The following SPATA18 variants were observed in gnomAD, a reference collection of about 807,000 sequenced individuals.
SPATA18 encodes the protein mitochondria-eating protein.
SPATA18 carries 54 observed loss-of-function variants against 68.1 expected under a neutral mutation model. The observed-to-expected ratio is 0.79, with a 90% CI of 0.64 to 0.99. The LOEUF (loss-of-function observed/expected upper bound fraction) is 0.99, where lower values mean the gene tolerates loss of function less well. SPATA18 is among the 50% of genes least tolerant of loss of function. The pLI, the probability that SPATA18 is intolerant of heterozygous loss-of-function variation, is 0.00. For missense variants in SPATA18, 724 were observed against 681.1 expected (o/e 1.06, Z -0.70); for synonymous variants, 242 against 244.8 (o/e 0.99, Z 0.11).
chr4:52,079,805 G>GC lies in SPATA18; in HGVS notation c.1243dup (p.Leu415ProfsTer4), dbSNP rs755567059. On this transcript the variant is annotated frameshift_variant, in exon 9 of 13. Coordinates refer to ENST00000295213, the MANE Select transcript of SPATA18 (RefSeq NM_145263.4). LOFTEE classifies it high-confidence loss of function. ...TCATTCCCTCCTGTCGTTGACTTTT[G>GC]CCTTCTCAGTGACTTCATCCAGGAG... 6.2e-7 allele frequency: 1 copy of GC among 1,611,640 alleles called. No individual in the cohort carries two copies. Among genetic ancestry groups the GC allele is most frequent in the East Asian group, 2.2e-5 (1 of 44,680 alleles).
intron 1 of SPATA18, among the ~76,000 whole-genome samples, chr4:52,053,290 G>A (rs2109397222): frequency 6.6e-6 from 1 of 152,174 alleles, no homozygotes; most frequent in Middle Eastern, 3.4e-3. Flanking sequence ...CCCATTCTCT[G>A]CTCTCATTAA....
At chr4:52,052,632 T>C (rs1055905652) in intron 1 of SPATA18, among the ~76,000 whole-genome samples, 1 of 152,254 alleles carries the variant, frequency 6.6e-6, no homozygotes, top group Non-Finnish European at 1.5e-5. Flanking sequence ...TTTCTACATT[T>C]GGCTCTGCAT....
chr4:52,054,431 A>G (rs573368283), intron 1 of SPATA18, among the ~76,000 whole-genome samples: 46 of 152,326 alleles, frequency 3.0e-4, no homozygotes, highest in African/African-American at 1.1e-3. Context: ...AGAGGCAGGC[A>G]CTTGGAGGTA....
At chr4:52,053,965 C>T (rs1318239851) in intron 1 of SPATA18, among the ~76,000 whole-genome samples, 1 of 152,220 alleles carries the variant, frequency 6.6e-6, no homozygotes, top group African/African-American at 2.4e-5. Flanking sequence ...CACAATTGTG[C>T]CCCTTTAAGC....
Position 52,060,829 on chromosome 4 carries a change from T to C in SPATA18, c.241T>C (p.Trp81Arg). The C allele has an allele frequency of 6.2e-7, 1 of 1,614,094 alleles. No individual in the cohort carries two copies. Among genetic ancestry groups the C allele is most frequent in the African/African-American group, 1.3e-5 (1 of 75,038 alleles). Residue 81 changes from tryptophan (W) to arginine (R), a missense_variant, in exon 3 of 13, where the codon TGG becomes CGG. Coordinates refer to ENST00000295213, the MANE Select transcript of SPATA18 (RefSeq NM_145263.4). ...AACAATCAAGTCACGCCTTTTGCCT[T>C]GGCTGGAGGCTTCCTTTACTGCTGC... ...VETIKSRLLP[W>R]LEASFTAASL...
Position 52,071,978 on chromosome 4 carries a change from G to T in SPATA18, c.580G>T (p.Glu194Ter), listed in dbSNP as rs1301172206. The change falls in exon 6 of 13, where the codon GAG becomes TAG. Residue 194 changes from glutamate (E) to a stop codon, truncating the protein, a stop_gained. Coordinates refer to ENST00000295213, the MANE Select transcript of SPATA18 (RefSeq NM_145263.4). LOFTEE classifies it high-confidence loss of function. The stretch of plus-strand genomic sequence containing the variant: ...CAGAAACACAGATCAGAGGAGCTCA[G>T]AGAATAGGCGGTCAGAGCCTTGGAG... The part of the protein sequence containing the change: ...RHRNTDQRSS[E>*]NRRSEPWSLE... The T allele has an allele frequency of 1.2e-6, 2 of 1,613,870 alleles. No homozygotes were observed. Among genetic ancestry groups the T allele is most frequent in the Non-Finnish European group, 1.7e-6 (2 of 1,180,016 alleles).
intron 6 of SPATA18, among the ~76,000 whole-genome samples, chr4:52,073,848 C>T (rs191656853): frequency 1.1e-4 from 16 of 152,278 alleles, no homozygotes; most frequent in African/African-American, 3.9e-4. Context: ...TCCACTTTTC[C>T]AGACACATTA....
At position 52,079,896 on chromosome 4, in the gene SPATA18, T is replaced by C; in HGVS notation, c.1332T>C (p.Asp444=). The C allele has an allele frequency of 6.2e-7, 1 of 1,613,034 alleles. No individual in the cohort carries two copies. The highest frequency in any genetic ancestry group is 8.5e-7 in the Non-Finnish European group (1 of 1,179,606). ...EPPLDIAYGA[D]GEVFNDCKYR... is the part of the protein sequence containing the mutation. ...CCCTAGATATTGCATATGGAGCAGATGGAGAAGTTTTTAATGATTGCAAGT... is the reference window on the plus strand; with the variant it reads ...CCCTAGATATTGCATATGGAGCAGACGGAGAAGTTTTTAATGATTGCAAGT... The change falls in exon 9 of 13, where the codon GAT becomes GAC. Residue 444 remains aspartate (D), a synonymous_variant. Coordinates refer to ENST00000295213, the MANE Select transcript of SPATA18 (RefSeq NM_145263.4).
At chr4:52,072,264 C>A (rs560665470) in intron 6 of SPATA18, 108 bp downstream of exon 6, 2 of 1,484,856 alleles carry the variant, frequency 1.3e-6, no homozygotes, top group South Asian at 2.8e-5. Context: ...GAACCAAAAC[C>A]TCAGCAATCT....
chr4:52,056,878 T>G (rs1214403963), intron 1 of SPATA18, among the ~76,000 whole-genome samples: 4 of 152,180 alleles, frequency 2.6e-5, no homozygotes, highest in Non-Finnish European at 1.5e-5. Flanking sequence ...TGTTGCATCC[T>G]TAAACATTTT....
intron 1 of SPATA18, among the ~76,000 whole-genome samples, chr4:52,057,692 G>A (rs1560581030): frequency 1.3e-5 from 2 of 152,206 alleles, no homozygotes; most frequent in Non-Finnish European, 2.9e-5. Context: ...TCTTTTCTAA[G>A]GGAATGCAGC....
chr4:52,078,558 G>T, intron 7 of SPATA18, 177 bp from the exon 8 acceptor site: 1 of 512,112 alleles, frequency 2.0e-6, no homozygotes, highest in Admixed American at 3.4e-5. Context: ...ATATGTTTAT[G>T]TACTTTTCAA....
chr4:52,063,723 T>C (rs1357719797), intron 4 of SPATA18, among the ~76,000 whole-genome samples: 3 of 152,146 alleles, frequency 2.0e-5, no homozygotes, highest in Non-Finnish European at 4.4e-5. Context: ...TTGTATACTC[T>C]CCTGGTGACG....
chr4:52,088,350 G>A (rs149983499), intron 11 of SPATA18, among the ~76,000 whole-genome samples: 2,370 of 152,090 alleles, frequency 0.016, 29 homozygotes, highest in Non-Finnish European at 0.023. Flanking sequence ...GTCTTGTGCC[G>A]GTTTTCAAAA....
chr4:52,076,409 G>A (rs1740344806), intron 6 of SPATA18, among the ~76,000 whole-genome samples: 2 of 152,188 alleles, frequency 1.3e-5, no homozygotes, highest in Non-Finnish European at 2.9e-5. Flanking sequence ...TGAGGGTCTG[G>A]TAAAATGCAT....
At chr4:52,089,528 A>G (rs1229481660) in intron 11 of SPATA18, among the ~76,000 whole-genome samples, 1 of 152,082 alleles carries the variant, frequency 6.6e-6, no homozygotes, top group African/African-American at 2.4e-5. Flanking sequence ...TTCTGCCTTC[A>G]TTTCGTTATT....
chr4:52,065,978 C>T (rs1187323336), intron 4 of SPATA18, among the ~76,000 whole-genome samples: 2 of 152,086 alleles, frequency 1.3e-5, no homozygotes, highest in East Asian at 3.9e-4. Flanking sequence ...CACACTTGCC[C>T]CTTTCTTTCT....
At chr4:52,065,365 C>T (rs1415200128) in intron 4 of SPATA18, among the ~76,000 whole-genome samples, 1 of 152,000 alleles carries the variant, frequency 6.6e-6, no homozygotes, top group South Asian at 2.1e-4. Context: ...GAATTCTTTG[C>T]CTAAACCAAT....
chr4:52,077,081 C>A (rs747442206), intron 7 of SPATA18, 41 bp downstream of exon 7: 1 of 1,545,380 alleles, frequency 6.5e-7, no homozygotes, highest in Admixed American at 2.0e-5. Context: ...TTAGGGCAGC[C>A]GGGAGACAAG....
Sources: gnomAD v4.1 joint callset for allele counts (sites outside exome capture counted in the v4.1 genomes callset) on GRCh38, gnomAD v4.1.1 for gene constraint, MANE v1.5 for transcripts, NCBI Gene and HGNC (gene_info 2026-07-23, HGNC 2026-07-21) for gene names.